GALNT18: variants seen among roughly 807,000 people sequenced by gnomAD.
The protein encoded by GALNT18 is polypeptide N-acetylgalactosaminyltransferase 18.
In GALNT18, 44 loss-of-function variants were observed where a neutral mutation model predicts 69.5. The observed-to-expected ratio is 0.63, with a 90% CI of 0.50 to 0.81. The LOEUF (loss-of-function observed/expected upper bound fraction) is 0.81, where lower values mean the gene tolerates loss of function less well. GALNT18 is among the 40% of genes least tolerant of loss of function. The probability of loss-of-function intolerance (pLI) is 0.00; values close to 1 mark genes in which losing one functional copy is unlikely to be tolerated. For synonymous variants in GALNT18, 364 were observed against 318.2 expected (o/e 1.14, Z -1.53); for missense variants, 715 against 810.0 (o/e 0.88, Z 1.42).
At chr11:11,502,641 T>C (rs1037439819) in intron 1 of GALNT18, among the ~76,000 whole-genome samples, 1 of 152,220 alleles carries the variant, frequency 6.6e-6, no homozygotes, top group African/African-American at 2.4e-5. Flanking sequence ...ATTTGTTTGA[T>C]TGAGGCCTCT....
intron 1 of GALNT18, among the ~76,000 whole-genome samples, chr11:11,594,979 A>ATGTG (rs1491443682): frequency 4.2e-5 from 5 of 118,724 alleles, no homozygotes; most frequent in Non-Finnish European, 1.0e-4. Context: ...CAAAATATAC[A>ATGTG]TATGTGTGTG....
Position 11,337,232 on chromosome 11 carries a change from A to G in GALNT18, c.1278+3587T>C, listed in dbSNP as rs180836696. Among the ~76,000 whole-genome samples, 2 of 152,272 alleles carry G rather than the reference A, an allele frequency of 1.3e-5. No individual in the cohort carries two copies. Among genetic ancestry groups the G allele is most frequent in the East Asian group, 3.9e-4 (2 of 5,176 alleles). On this transcript the variant is annotated intron_variant, in intron 7 of 10. Transcript: ENST00000227756. This position sits in a 1 kb window ranked among gnomAD's most constrained non-coding sequence, Gnocchi z 4.9. The stretch of plus-strand genomic sequence containing the variant: ...TTTTAGGAGTCACTAACCAAGGGAG[A>G]GAGGGATTACTCACACTGCCAGCAA...
chr11:11,431,394 T>C (rs1855260463), intron 3 of GALNT18, among the ~76,000 whole-genome samples: 1 of 152,184 alleles, frequency 6.6e-6, no homozygotes, highest in African/African-American at 2.4e-5. Flanking sequence ...GGCTAGATGA[T>C]GGTAGGCAGC....
chr11:11,400,448 C>A (rs571667978), intron 3 of GALNT18, among the ~76,000 whole-genome samples: 1 of 152,204 alleles, frequency 6.6e-6, no homozygotes, highest in African/African-American at 2.4e-5. Context: ...TCAAGGACTG[C>A]GGCAAACCAG....
At chr11:11,275,116 C>A (rs552479582) in intron 10 of GALNT18, among the ~76,000 whole-genome samples, 2 of 152,348 alleles carry the variant, frequency 1.3e-5, no homozygotes, top group East Asian at 3.9e-4. Flanking sequence ...TGAGAAATGG[C>A]CACACTGTCT....
intron 10 of GALNT18, among the ~76,000 whole-genome samples, chr11:11,277,850 A>G (rs1353979771): frequency 6.6e-6 from 1 of 152,190 alleles, no homozygotes; most frequent in Non-Finnish European, 1.5e-5. Context: ...ATTTGATTGC[A>G]CTGTGGTCTG....
In GALNT18 at chr11:11,341,763, G is replaced by A. The variant is rs1237844163; in HGVS notation, c.1093-759C>T. On this transcript the variant is annotated intron_variant, in intron 6 of 10. Transcript: ENST00000227756. This position sits in a 1 kb window ranked among gnomAD's most constrained non-coding sequence, Gnocchi z 6.3. ...GTGCTTCTAGGCTTTGCTCCATTCT[G>A]CTGGTAATTTTAGAATGCCCCACTG... 4.6e-5 allele frequency among the ~76,000 whole-genome samples: 7 copies of A among 151,954 alleles called. No homozygotes were observed. The highest frequency in any genetic ancestry group is 7.4e-5 in the Non-Finnish European group (5 of 68,012).
At position 11,591,275 on chromosome 11, in the gene GALNT18, G is replaced by A. The variant is rs77875224; in HGVS notation, c.235+30084C>T. Among the ~76,000 whole-genome samples, 5,244 of 151,722 alleles carry A rather than the reference G, an allele frequency of 0.035. 275 individuals carry two copies. The highest frequency in any genetic ancestry group is 0.11 in the African/African-American group (4,616 of 41,312). ...ACACACATTATTAGGCAATATTATC[G>A]TTGTGCAAACTTTATGAAGTTTGCA... On this transcript the variant is annotated intron_variant, in intron 1 of 10. Coordinates refer to ENST00000227756, the MANE Select transcript of GALNT18 (RefSeq NM_198516.3). This position sits in a 1 kb window ranked among gnomAD's most constrained non-coding sequence, Gnocchi z 4.8.
rs188261019 is a variant in GALNT18 at position 11,465,180 on chromosome 11, A to T, written c.236-16244T>A. 5.3e-5 allele frequency among the ~76,000 whole-genome samples: 8 copies of T among 152,268 alleles called. No individual in the cohort carries two copies. The highest frequency in any genetic ancestry group is 1.9e-4 in the African/African-American group (8 of 41,552). On this transcript the variant is annotated intron_variant, in intron 1 of 10. Transcript: ENST00000227756. This position sits in a 1 kb window ranked among gnomAD's most constrained non-coding sequence, Gnocchi z 5.7. Reference sequence around the variant, plus strand: ...ATGCCTGAGGAAGGTCTGTTCCCAGATCCTCAGCCCCATTCCTGCTGAGGT... The same window carrying T: ...ATGCCTGAGGAAGGTCTGTTCCCAGTTCCTCAGCCCCATTCCTGCTGAGGT...
At chr11:11,531,130 C>G (rs1333373341) in intron 1 of GALNT18, among the ~76,000 whole-genome samples, 2 of 152,230 alleles carry the variant, frequency 1.3e-5, no homozygotes, top group Non-Finnish European at 2.9e-5. Context: ...GAGAAAGACA[C>G]TACACGAGGA....
chr11:11,471,138 C>A (rs989147877), intron 1 of GALNT18, among the ~76,000 whole-genome samples: 7 of 152,142 alleles, frequency 4.6e-5, no homozygotes, highest in African/African-American at 1.4e-4. Context: ...TTCCATTCCA[C>A]TCCTTTTTTA....
At chr11:11,370,667 G>A (rs1310572487) in intron 6 of GALNT18, among the ~76,000 whole-genome samples, 1 of 151,562 alleles carries the variant, frequency 6.6e-6, no homozygotes, top group African/African-American at 2.4e-5. Context: ...ATTTTAACTT[G>A]CATTTGAGAG....
At position 11,271,287 on chromosome 11, in the gene GALNT18, C is replaced by T; in HGVS notation, c.1681G>A (p.Gly561Arg). 1.9e-6 allele frequency: 3 copies of T among 1,613,784 alleles called. No homozygotes were observed. Among genetic ancestry groups the T allele is most frequent in the Non-Finnish European group, 2.5e-6 (3 of 1,179,760 alleles). ...MKLHWQFSQG[G>R]PIQNRKSKRC... ...TTAGACTTGCGGTTCTGGATGGGTC[C>T]TCCCTAGGGGCCAGGGCAGACAGTG... is the stretch of plus-strand genomic sequence containing the variant. The change falls in exon 11 of 11, where the codon GGA becomes AGA. Residue 561 changes from glycine (G) to arginine (R), a missense_variant. Physicochemically the swap from Gly to Arg is moderately radical, Grantham distance 125. Coordinates refer to ENST00000227756, the MANE Select transcript of GALNT18 (RefSeq NM_198516.3).
intron 1 of GALNT18, among the ~76,000 whole-genome samples, chr11:11,524,685 C>T (rs1590071982): frequency 6.6e-6 from 1 of 152,208 alleles, no homozygotes; most frequent in Non-Finnish European, 1.5e-5. Flanking sequence ...TTAATGTGAG[C>T]ATAGAAATAA....
chr11:11,340,003 A>G lies in GALNT18; in HGVS notation c.1278+816T>C, dbSNP rs1360300675. Among the ~76,000 whole-genome samples, 2 of 152,200 alleles carry G rather than the reference A, an allele frequency of 1.3e-5. No homozygotes were observed. The highest frequency in any genetic ancestry group is 2.4e-5 in the African/African-American group (1 of 41,450). On this transcript the variant is annotated intron_variant, in intron 7 of 10. Coordinates refer to ENST00000227756, the MANE Select transcript of GALNT18 (RefSeq NM_198516.3). The surrounding 1 kb of genome is among the most constrained non-coding windows in gnomAD (Gnocchi z 4.2). ...AGGAAAGAATGAGGTCATGTAGTCA[A>G]TAGCTCTGATAGCTCTGTCTCACAC...
In GALNT18 at chr11:11,605,565, T is replaced by C. The variant is rs988775596; in HGVS notation, c.235+15794A>G. ...GGAAAGCCAGAGGCCAACTTCCCTT[T>C]ACCTCTGGGGTCCCAAGCACTCTGT... On this transcript the variant is annotated intron_variant, in intron 1 of 10. Transcript: ENST00000227756. The surrounding 1 kb of genome is among the most constrained non-coding windows in gnomAD (Gnocchi z 4.7). Among the ~76,000 whole-genome samples the C allele has an allele frequency of 6.6e-6, 1 of 152,184 alleles. No homozygotes were observed. Among genetic ancestry groups the C allele is most frequent in the Admixed American group, 6.5e-5 (1 of 15,278 alleles).
intron 1 of GALNT18, among the ~76,000 whole-genome samples, chr11:11,559,028 T>C (rs1439923627): frequency 6.6e-6 from 1 of 152,250 alleles, no homozygotes; most frequent in Non-Finnish European, 1.5e-5. Flanking sequence ...ACCATGCCTC[T>C]GCTTCCTCAT....
chr11:11,417,415 A>G (rs1251749520), intron 3 of GALNT18, among the ~76,000 whole-genome samples: 1 of 152,096 alleles, frequency 6.6e-6, no homozygotes, highest in Non-Finnish European at 1.5e-5. Flanking sequence ...GATGCCTGAG[A>G]TAAAAAGCAT....
At chr11:11,473,556 G>T (rs749045451) in intron 1 of GALNT18, among the ~76,000 whole-genome samples, 1 of 152,158 alleles carries the variant, frequency 6.6e-6, no homozygotes, top group Non-Finnish European at 1.5e-5. Context: ...TGCAGACGGT[G>T]CAGAGTGAAA....
Sources: gnomAD v4.1 joint callset for allele counts (sites outside exome capture counted in the v4.1 genomes callset) on GRCh38, gnomAD v4.1.1 for gene constraint, Gnocchi (gnomAD v3.1) non-coding constraint, MANE v1.5 for transcripts, NCBI Gene and HGNC (gene_info 2026-07-23, HGNC 2026-07-21) for gene names.